MSRA: variants seen among roughly 807,000 people sequenced by gnomAD.
MSRA encodes mitochondrial peptide methionine sulfoxide reductase.
Under a neutral mutation model 31.3 loss-of-function variants are expected in MSRA, and 54 were observed. The observed-to-expected ratio is 1.73, with a 90% confidence interval of 1.39 to 2.17. MSRA has a LOEUF of 2.17. Ranked by LOEUF, MSRA falls within the 30% of genes most tolerant of loss-of-function variation. The pLI, the probability that MSRA is intolerant of heterozygous loss-of-function variation, is 0.00. For synonymous variants in MSRA, 169 were observed against 116.5 expected (o/e 1.45, Z -2.90); for missense variants, 507 against 300.9 (o/e 1.69, Z -5.07).
chr8:10,404,405 C>G lies in MSRA; in HGVS notation c.544-23743C>G, dbSNP rs528173543. On this transcript the variant is annotated intron_variant, in intron 5 of 5. Transcript: ENST00000317173. ...CAGGGAAGTGACGATCCCGTCACCA[C>G]CCCCCAACCCTCCGTGGGGAGGGGC... Among the ~76,000 whole-genome samples, 4 of 152,224 alleles carry G rather than the reference C, an allele frequency of 2.6e-5. No individual in the cohort carries two copies. In the East Asian group the frequency reaches 5.8e-4, roughly 22 times the overall value.
At chr8:10,318,123 G>T (rs1242108773) in intron 4 of MSRA, among the ~76,000 whole-genome samples, 2 of 152,168 alleles carry the variant, frequency 1.3e-5, no homozygotes, top group Non-Finnish European at 2.9e-5. Flanking sequence ...CGATTATTTT[G>T]CTGTAACTTC....
intron 2 of MSRA, among the ~76,000 whole-genome samples, chr8:10,219,567 T>G (rs1353514605): frequency 1.3e-5 from 2 of 152,104 alleles, no homozygotes; most frequent in Admixed American, 6.5e-5. Context: ...CCCAGCACTT[T>G]GGGAGGCTGA....
At chr8:10,205,846 A>G (rs541037745) in intron 1 of MSRA, among the ~76,000 whole-genome samples, 53 of 152,360 alleles carry the variant, frequency 3.5e-4, no homozygotes, top group Non-Finnish European at 7.2e-4. Context: ...CCTTACCATT[A>G]TCCCAAATAT....
intron 5 of MSRA, among the ~76,000 whole-genome samples, chr8:10,421,023 A>G (rs1247286163): frequency 6.6e-6 from 1 of 152,022 alleles, no homozygotes; most frequent in Non-Finnish European, 1.5e-5. Context: ...CCAAAAACCA[A>G]AGAGATGGCC....
intron 4 of MSRA, among the ~76,000 whole-genome samples, chr8:10,314,593 C>T (rs1801611563): frequency 1.3e-5 from 2 of 152,190 alleles, no homozygotes; most frequent in African/African-American, 2.4e-5. Flanking sequence ...AAAAATAGTT[C>T]AGCATGTACT....
At chr8:10,261,311 A>ACTATG (rs1249760317) in intron 3 of MSRA, among the ~76,000 whole-genome samples, 1 of 151,828 alleles carries the variant, frequency 6.6e-6, no homozygotes, top group African/African-American at 2.4e-5. Flanking sequence ...TTTGAAAGTC[A>ACTATG]CTATGCTAGG....
intron 4 of MSRA, among the ~76,000 whole-genome samples, chr8:10,313,812 T>G (rs10093246): frequency 0.39 from 59,470 of 152,110 alleles, 12,443 homozygotes; most frequent in East Asian, 0.66. Context: ...GTTAAGACAT[T>G]GTGTATCTGA....
intron 1 of MSRA, among the ~76,000 whole-genome samples, chr8:10,185,747 C>G (rs1438585888): frequency 1.3e-5 from 2 of 152,184 alleles, no homozygotes; most frequent in African/African-American, 2.4e-5. Context: ...ACCATTCACT[C>G]AGTCCTCTGG....
chr8:10,426,041 C>G (rs1201653508), intron 5 of MSRA, among the ~76,000 whole-genome samples: 4 of 152,206 alleles, frequency 2.6e-5, no homozygotes, highest in African/African-American at 9.6e-5. Context: ...TCCACAGCCA[C>G]CTGGCATCCC....
chr8:10,427,687 G>A (rs1400225891), intron 5 of MSRA, among the ~76,000 whole-genome samples: 4 of 152,134 alleles, frequency 2.6e-5, no homozygotes, highest in African/African-American at 4.8e-5. Context: ...CAGCCATTCT[G>A]TCCATCCCTA....
At chr8:10,090,334 C>A (rs1798793020) in intron 1 of MSRA, among the ~76,000 whole-genome samples, 1 of 152,122 alleles carries the variant, frequency 6.6e-6, no homozygotes, top group Admixed American at 6.6e-5. Context: ...CTGGAGTTGG[C>A]TGGGATGGAA....
At chr8:10,100,921 G>C (rs1360363174) in intron 1 of MSRA, among the ~76,000 whole-genome samples, 1 of 152,034 alleles carries the variant, frequency 6.6e-6, no homozygotes, top group African/African-American at 2.4e-5. Flanking sequence ...AGTCCCTCTG[G>C]AGTGATGCCA....
intron 1 of MSRA, among the ~76,000 whole-genome samples, chr8:10,085,709 T>A (rs1279772977): frequency 6.6e-6 from 1 of 152,226 alleles, no homozygotes; most frequent in Non-Finnish European, 1.5e-5. Context: ...TAGAACACTG[T>A]CATCACCCCC....
chr8:10,128,581 C>G (rs1468765070), intron 1 of MSRA, among the ~76,000 whole-genome samples: 1 of 152,102 alleles, frequency 6.6e-6, no homozygotes, highest in African/African-American at 2.4e-5. Context: ...GTAGCCCAGC[C>G]TGGAAAACAA....
intron 5 of MSRA, 89 bp from the exon 6 acceptor site, chr8:10,428,059 T>C: frequency 1.4e-6 from 2 of 1,431,276 alleles, no homozygotes; most frequent in African/African-American, 2.9e-5. Context: ...ACGCGTCTGC[T>C]CACTGCAGCC....
chr8:10,055,498 C>T (rs532707570), intron 1 of MSRA, among the ~76,000 whole-genome samples: 1 of 152,354 alleles, frequency 6.6e-6, no homozygotes, highest in African/African-American at 2.4e-5. Context: ...CCACCTGCCG[C>T]AGCAGCAGCA....
intron 1 of MSRA, among the ~76,000 whole-genome samples, chr8:10,168,325 C>G (rs571389624): frequency 1.3e-5 from 2 of 152,270 alleles, no homozygotes; most frequent in South Asian, 2.1e-4. Context: ...GTATCTCTCT[C>G]TATAGATGAC....
chr8:10,416,421 C>T (rs1232384409), intron 5 of MSRA, among the ~76,000 whole-genome samples: 6 of 152,218 alleles, frequency 3.9e-5, no homozygotes, highest in African/African-American at 1.4e-4. Context: ...TAAACGATTC[C>T]ATCGGGCCGT....
In MSRA at chr8:10,134,004, T is replaced by C. The variant is rs574257024; in HGVS notation, c.143-73829T>C. 3.3e-5 allele frequency among the ~76,000 whole-genome samples: 5 copies of C among 152,166 alleles called. No homozygotes were observed. The South Asian group carries it at 1.0e-3, about 32-fold the overall frequency. ...TGCCACCATGCCTGGCTAATTTTTG[T>C]ATTTTTAGTAGAGAAGGGGTTTCAC... is the stretch of plus-strand genomic sequence containing the variant. On this transcript the variant is annotated intron_variant, in intron 1 of 5. Coordinates refer to ENST00000317173, the MANE Select transcript of MSRA (RefSeq NM_012331.5).
Sources: allele counts gnomAD v4.1 joint callset (sites outside exome capture counted in the v4.1 genomes callset), GRCh38; gene constraint gnomAD v4.1.1; transcripts MANE v1.5; gene names NCBI Gene and HGNC (gene_info 2026-07-23, HGNC 2026-07-21).